TXN: variants seen among roughly 807,000 people sequenced by gnomAD.
The protein encoded by TXN is ADF.
In TXN, 10 loss-of-function variants were observed where a neutral mutation model predicts 16.5. That is an observed-to-expected ratio of 0.61 (90% confidence interval 0.37 to 1.03). The LOEUF is 1.03. Ranked by LOEUF, TXN falls within the 50% of genes least tolerant of loss-of-function variation. TXN has a pLI of 0.01. For synonymous variants in TXN, 35 were observed against 39.4 expected, an observed-to-expected ratio of 0.89 and a Z score of 0.42; for missense variants, 71 against 122.5, an observed-to-expected ratio of 0.58 and a Z score of 1.98.
At chr9:110,246,265 A>G (rs901148710) in intron 3 of TXN, among the ~76,000 whole-genome samples, 1 of 152,156 alleles carries the variant, frequency 6.6e-6, no homozygotes, top group African/African-American at 2.4e-5. Context: ...AAATTGGGCT[A>G]GTTGATCCGT....
Sources: allele counts gnomAD v4.1 joint callset (sites outside exome capture counted in the v4.1 genomes callset), GRCh38; gene constraint gnomAD v4.1.1; transcripts MANE v1.5; gene names NCBI Gene and HGNC (gene_info 2026-07-23, HGNC 2026-07-21).